The following ASIC2 variants were observed in gnomAD, a reference collection of about 807,000 sequenced individuals.
ASIC2 encodes acid sensing ion channel subunit 2.
In ASIC2, 25 loss-of-function variants were observed where a neutral mutation model predicts 57.3. The observed-to-expected ratio is 0.44, with a 90% CI of 0.32 to 0.61. The LOEUF (loss-of-function observed/expected upper bound fraction) is 0.61. ASIC2 is among the 20% of genes least tolerant of loss of function. ASIC2 has a pLI of 0.06. For missense variants in ASIC2, 641 were observed against 738.1 expected (o/e 0.87, Z 1.52); for synonymous variants, 319 against 307.5 (o/e 1.04, Z -0.39).
intron 1 of ASIC2, among the ~76,000 whole-genome samples, chr17:33,156,326 C>G (rs1249177259): frequency 1.3e-5 from 2 of 151,830 alleles, no homozygotes; most frequent in Non-Finnish European, 2.9e-5. Flanking sequence ...CAGGGTTTCT[C>G]CATTTTGGCC....
At chr17:34,041,060 A>C (rs1415113249) in intron 1 of ASIC2, among the ~76,000 whole-genome samples, 2 of 152,206 alleles carry the variant, frequency 1.3e-5, no homozygotes, top group Non-Finnish European at 2.9e-5. Context: ...GGGAAAGCAT[A>C]TATCTCAACA....
chr17:33,518,527 T>C (rs1446398547), intron 1 of ASIC2, among the ~76,000 whole-genome samples: 1 of 152,308 alleles, frequency 6.6e-6, no homozygotes, highest in East Asian at 1.9e-4. Flanking sequence ...CCATTTGCCG[T>C]GTGGCCTCCA....
At chr17:33,815,846 G>A (rs1912562971) in intron 1 of ASIC2, among the ~76,000 whole-genome samples, 1 of 152,184 alleles carries the variant, frequency 6.6e-6, no homozygotes, top group South Asian at 2.1e-4. Context: ...GGCCCAGAAA[G>A]GGAAGTGATA....
chr17:33,998,783 G>T (rs1022956359), intron 1 of ASIC2, among the ~76,000 whole-genome samples: 6 of 152,016 alleles, frequency 3.9e-5, no homozygotes, highest in Admixed American at 1.3e-4. Context: ...GTTTTATAGT[G>T]TAATTTGATT....
At chr17:33,787,358 C>G (rs1362738668) in intron 1 of ASIC2, among the ~76,000 whole-genome samples, 1 of 152,154 alleles carries the variant, frequency 6.6e-6, no homozygotes, top group Non-Finnish European at 1.5e-5. Flanking sequence ...TGGGACCAGA[C>G]CTGTATTCAC....
At chr17:33,110,049 C>CTGTGTGTG (rs5820017) in intron 2 of ASIC2, among the ~76,000 whole-genome samples, 2 of 149,516 alleles carry the variant, frequency 1.3e-5, no homozygotes, top group Non-Finnish European at 3.0e-5. Context: ...ATGTGTGTGT[C>CTGTGTGTG]TGTGTGTGTG....
chr17:33,234,374 G>A (rs1363777241), intron 1 of ASIC2, among the ~76,000 whole-genome samples: 2 of 152,202 alleles, frequency 1.3e-5, no homozygotes, highest in East Asian at 3.9e-4. Flanking sequence ...CCCCTGCAGA[G>A]TCCGGCTTGG....
intron 1 of ASIC2, among the ~76,000 whole-genome samples, chr17:33,622,234 C>G (rs1332426054): frequency 2.6e-5 from 4 of 152,060 alleles, no homozygotes; most frequent in African/African-American, 4.8e-5. Flanking sequence ...CTTTGTGGAG[C>G]AGTTGACATT....
intron 1 of ASIC2, among the ~76,000 whole-genome samples, chr17:33,410,529 G>A (rs551459082): frequency 1.8e-4 from 28 of 152,280 alleles, no homozygotes; most frequent in Middle Eastern, 3.4e-3. Flanking sequence ...AAGCCCCCTC[G>A]GTAAGCTGCC....
intron 1 of ASIC2, among the ~76,000 whole-genome samples, chr17:33,365,758 C>T (rs1307259835): frequency 6.6e-6 from 1 of 151,876 alleles, no homozygotes; most frequent in Non-Finnish European, 1.5e-5. Flanking sequence ...TATTTCATTT[C>T]CCATAATTCC....
At chr17:33,131,584 C>A (rs1341220085) in intron 1 of ASIC2, 3 of 152,284 alleles carry the variant, frequency 2.0e-5, no homozygotes, top group Admixed American at 1.3e-4. Flanking sequence ...GCTCCTGTCA[C>A]ACCAAGGGTG....
chr17:33,753,993 C>G (rs62055778), intron 1 of ASIC2, among the ~76,000 whole-genome samples: 14,761 of 152,160 alleles, frequency 0.097, 855 homozygotes, highest in African/African-American at 0.15. Flanking sequence ...CATAGGAACA[C>G]TCTATACTTT....
chr17:34,111,891 T>C (rs1237197512), intron 1 of ASIC2, among the ~76,000 whole-genome samples: 1 of 152,232 alleles, frequency 6.6e-6, no homozygotes, highest in East Asian at 1.9e-4. Flanking sequence ...TTTTAGTGAT[T>C]ATTTAGTGAT....
chr17:33,484,409 C>T (rs1362502412), intron 1 of ASIC2, among the ~76,000 whole-genome samples: 1 of 152,168 alleles, frequency 6.6e-6, no homozygotes, highest in Admixed American at 6.5e-5. Context: ...TGCAGCAGCA[C>T]TGGCCAGTAT....
Position 33,181,233 on chromosome 17 carries a change from C to G in ASIC2, c.709-69166G>C, listed in dbSNP as rs76845320. On this transcript the variant is annotated intron_variant, in intron 1 of 9. Coordinates refer to ENST00000225823, the MANE Select transcript of ASIC2 (RefSeq NM_183377.2). Reference sequence around the variant, plus strand: ...GGAGGAGTCCTTTACCCTCTCAGCACTTTGTTTTGTTGTGTGTAAAATAAG... The same window carrying G: ...GGAGGAGTCCTTTACCCTCTCAGCAGTTTGTTTTGTTGTGTGTAAAATAAG... 3.8e-3 allele frequency among the ~76,000 whole-genome samples: 584 copies of G among 152,222 alleles called. 6 individuals carry two copies. The South Asian group carries it at 0.04, about 10-fold the overall frequency.
At chr17:33,044,583 A>C (rs1248457694) in intron 3 of ASIC2, among the ~76,000 whole-genome samples, 3 of 152,108 alleles carry the variant, frequency 2.0e-5, no homozygotes, top group African/African-American at 7.2e-5. Context: ...GCTGGCCTCA[A>C]ACTCCTGACC....
chr17:34,119,475 T>C (rs1238019313), intron 1 of ASIC2, among the ~76,000 whole-genome samples: 3 of 152,164 alleles, frequency 2.0e-5, no homozygotes, highest in African/African-American at 4.8e-5. Flanking sequence ...GCTTAGAGGA[T>C]CTCTTCCTTT....
chr17:33,733,837 C>G (rs1017503932), intron 1 of ASIC2, among the ~76,000 whole-genome samples: 12 of 152,094 alleles, frequency 7.9e-5, no homozygotes, highest in Non-Finnish European at 1.3e-4. Context: ...AGTTATTGTC[C>G]TACTCTTTCC....
chr17:33,455,777 A>T (rs1912427860), intron 1 of ASIC2, among the ~76,000 whole-genome samples: 1 of 152,260 alleles, frequency 6.6e-6, no homozygotes, highest in Non-Finnish European at 1.5e-5. Context: ...AAAGCCCCAG[A>T]TAGCCGGGAA....
Sources: allele counts gnomAD v4.1 joint callset (sites outside exome capture counted in the v4.1 genomes callset), GRCh38; gene constraint gnomAD v4.1.1; transcripts MANE v1.5; gene names NCBI Gene and HGNC (gene_info 2026-07-23, HGNC 2026-07-21).